Variants in MGLL observed in about 807,000 individuals in gnomAD.
MGLL encodes monoglyceride lipase.
A neutral mutation model predicts 29.1 loss-of-function variants in MGLL; 7 were observed. The observed-to-expected ratio is 0.24, with a 90% CI of 0.14 to 0.45. MGLL has a LOEUF of 0.45. Among genes scored for constraint, MGLL ranks in the 20% least tolerant of loss-of-function variants. The probability of loss-of-function intolerance (pLI) is 0.99; values close to 1 mark genes in which losing one functional copy is unlikely to be tolerated. For synonymous variants in MGLL, 148 were observed against 168.3 expected (o/e 0.88, Z 0.93); for missense variants, 356 against 413.6 (o/e 0.86, Z 1.21).
At chr3:127,743,685 C>T (rs1017317300) in intron 3 of MGLL, among the ~76,000 whole-genome samples, 6 of 151,012 alleles carry the variant, frequency 4.0e-5, no homozygotes, top group Non-Finnish European at 8.8e-5. Context: ...ACAAGAACTG[C>T]GTGCCACCCC....
chr3:127,717,138 A>G (rs2075831690), intron 5 of MGLL, among the ~76,000 whole-genome samples: 1 of 152,198 alleles, frequency 6.6e-6, no homozygotes, highest in East Asian at 1.9e-4. Context: ...GCTGCTGCCC[A>G]AAGGGCCAGT....
rs370997278 is a variant in MGLL, at chr3:127,715,371, C to T, written c.511-4706G>A. ...CTAAACCTGCATAGTAAGTTCCAAG[C>T]CATATTTCTAACAAGACTCAATTGT... On this transcript the variant is annotated intron_variant, in intron 5 of 7. Coordinates refer to ENST00000265052, the MANE Select transcript of MGLL (RefSeq NM_007283.7). 8.6e-5 allele frequency: 26 copies of T among 303,830 alleles called. 1 individual carries two copies. Among genetic ancestry groups the T allele is most frequent in the East Asian group, 6.2e-4 (7 of 11,304 alleles). 18.8% of individuals were successfully genotyped at this position (303,830 alleles called of 1,614,324 possible).
chr3:127,772,617 A>G lies in MGLL; in HGVS notation c.262+9172T>C, dbSNP rs57742742. Among the ~76,000 whole-genome samples the G allele has an allele frequency of 3.5e-3, 527 of 152,336 alleles. 2 individuals carry two copies. The highest frequency in any genetic ancestry group is 0.012 in the African/African-American group (500 of 41,582). ...CCATGAGGCTAAAGCCATGGGCTCC[A>G]GCAGATCCAGCAACTAGGGAGAGGC... On this transcript the variant is annotated intron_variant, in intron 3 of 7. Coordinates refer to ENST00000265052, the MANE Select transcript of MGLL (RefSeq NM_007283.7).
intron 5 of MGLL, among the ~76,000 whole-genome samples, chr3:127,718,648 C>T (rs1028141792): frequency 2.0e-5 from 3 of 152,088 alleles, no homozygotes; most frequent in African/African-American, 4.8e-5. Context: ...AGAGTACCCC[C>T]GACATGCATG....
intron 2 of MGLL, among the ~76,000 whole-genome samples, chr3:127,813,132 G>A (rs960022080): frequency 3.3e-5 from 5 of 152,144 alleles, no homozygotes; most frequent in Admixed American, 1.3e-4. Flanking sequence ...GTATGTGGCC[G>A]CCTGTGCAGT....
At position 127,791,026 on chromosome 3, in the gene MGLL, C is replaced by G. The variant is rs554523194; in HGVS notation, c.156-9131G>C. 2.5e-4 allele frequency among the ~76,000 whole-genome samples: 38 copies of G among 152,288 alleles called. 1 individual carries two copies. The East Asian group carries it at 6.5e-3, about 26-fold the overall frequency. On this transcript the variant is annotated intron_variant, in intron 2 of 7. Transcript: ENST00000265052. Reference sequence around the variant, plus strand: ...GCCACCCGTACCACTGAGACTGCAGCTGAGGTTGTGCTGTGCCTGCCCAAA... The same window carrying G: ...GCCACCCGTACCACTGAGACTGCAGGTGAGGTTGTGCTGTGCCTGCCCAAA...
rs1223234103 is a variant in MGLL at position 127,761,642 on chromosome 3, T to C, written c.262+20147A>G. Among the ~76,000 whole-genome samples, 1 of 152,200 alleles carries C rather than the reference T, an allele frequency of 6.6e-6. No homozygotes were observed. The highest frequency in any genetic ancestry group is 1.9e-4 in the East Asian group (1 of 5,186). Reference sequence around the variant, plus strand: ...ACAAAGGTACTGTGGGTTTCCTCTTTTGGCTGGTGAGGACACGGAGGCACA... The same window carrying C: ...ACAAAGGTACTGTGGGTTTCCTCTTCTGGCTGGTGAGGACACGGAGGCACA... On this transcript the variant is annotated intron_variant, in intron 3 of 7. Coordinates refer to ENST00000265052, the MANE Select transcript of MGLL (RefSeq NM_007283.7). This position sits in a 1 kb window ranked among gnomAD's most constrained non-coding sequence, Gnocchi z 4.6.
intron 2 of MGLL, among the ~76,000 whole-genome samples, chr3:127,815,845 G>T (rs1026490653): frequency 1.3e-5 from 2 of 152,174 alleles, no homozygotes; most frequent in Non-Finnish European, 2.9e-5. Flanking sequence ...TCCGTGTGTT[G>T]GTCCATCCCA....
chr3:127,745,973 TA>T (rs2076434354), intron 3 of MGLL, among the ~76,000 whole-genome samples: 1 of 152,198 alleles, frequency 6.6e-6, no homozygotes, highest in African/African-American at 2.4e-5. Flanking sequence ...TAACAAAAGT[TA>T]TTTTGACTTT....
At chr3:127,745,718 A>C (rs943539442) in intron 3 of MGLL, among the ~76,000 whole-genome samples, 1 of 152,202 alleles carries the variant, frequency 6.6e-6, no homozygotes, top group Non-Finnish European at 1.5e-5. Flanking sequence ...AGCCTGCTTC[A>C]GGATGCCGGG....
At chr3:127,757,203 A>G (rs529504514) in intron 3 of MGLL, among the ~76,000 whole-genome samples, 1 of 152,096 alleles carries the variant, frequency 6.6e-6, no homozygotes, top group Non-Finnish European at 1.5e-5. Context: ...GCCGAACCCA[A>G]CTTGAGGCCT....
intron 3 of MGLL, among the ~76,000 whole-genome samples, chr3:127,780,709 T>G (rs1366458372): frequency 6.6e-6 from 1 of 152,266 alleles, no homozygotes; most frequent in Non-Finnish European, 1.5e-5. Context: ...TCCGTACAGA[T>G]AAGGCTTTCC....
At chr3:127,735,153 G>A (rs1174159642) in intron 3 of MGLL, among the ~76,000 whole-genome samples, 1 of 152,228 alleles carries the variant, frequency 6.6e-6, no homozygotes, top group Non-Finnish European at 1.5e-5. Context: ...AATTGCCTTA[G>A]TCCCCATTTT....
chr3:127,789,417 C>T (rs1480429917), intron 2 of MGLL, among the ~76,000 whole-genome samples: 12 of 152,212 alleles, frequency 7.9e-5, no homozygotes. Context: ...TTTTAAAAGG[C>T]ATATTTTGGG....
intron 3 of MGLL, among the ~76,000 whole-genome samples, chr3:127,762,656 A>G (rs72626375): frequency 0.15 from 23,442 of 152,154 alleles, 1,937 homozygotes; most frequent in East Asian, 0.27. Context: ...AGGGAGGGGC[A>G]GAGGCTTCGT....
chr3:127,774,747 G>A (rs1457953832), intron 3 of MGLL, among the ~76,000 whole-genome samples: 1 of 152,126 alleles, frequency 6.6e-6, no homozygotes, highest in Non-Finnish European at 1.5e-5. Flanking sequence ...CCCAGGGGCT[G>A]TTAGAAATGC....
At chr3:127,821,928 AT>A (rs913908301) in intron 1 of MGLL, 90 bp from the exon 2 acceptor site, 3 of 1,416,052 alleles carry the variant, frequency 2.1e-6, no homozygotes, top group Non-Finnish European at 2.9e-6. Context: ...AGTCAGTAAC[AT>A]TTTTTTAAAA....
At chr3:127,750,965 G>A (rs1576547427) in intron 3 of MGLL, among the ~76,000 whole-genome samples, 1 of 152,210 alleles carries the variant, frequency 6.6e-6, no homozygotes, top group Admixed American at 6.5e-5. Flanking sequence ...TTGAGGATGT[G>A]AAAATGAATG....
intron 6 of MGLL, among the ~76,000 whole-genome samples, chr3:127,699,129 G>A (rs541702136): frequency 0.016 from 2,394 of 152,358 alleles, 69 homozygotes; most frequent in African/African-American, 0.053. Flanking sequence ...GGACCCCAAA[G>A]CCTCCTCTTG....
Sources: gnomAD v4.1 joint callset for allele counts (sites outside exome capture counted in the v4.1 genomes callset) on GRCh38, gnomAD v4.1.1 for gene constraint, Gnocchi (gnomAD v3.1) non-coding constraint, MANE v1.5 for transcripts, NCBI Gene and HGNC (gene_info 2026-07-23, HGNC 2026-07-21) for gene names.